ACSM1: variants seen among roughly 807,000 people sequenced by gnomAD.
ACSM1 encodes the protein acyl-coenzyme A synthetase ACSM1, mitochondrial.
ACSM1 carries 79 observed loss-of-function variants against 75.8 expected under a neutral mutation model. That is an observed-to-expected ratio of 1.04 (90% CI 0.87 to 1.26). The LOEUF (loss-of-function observed/expected upper bound fraction) is 1.26. Among genes scored for constraint, ACSM1 ranks in the 50% most tolerant of loss-of-function variants. The pLI is 0.00. For synonymous variants in ACSM1, 279 were observed against 265.8 expected (o/e 1.05, Z -0.48); for missense variants, 676 against 720.1 (o/e 0.94, Z 0.70).
chr16:20,648,487 A>G lies in ACSM1; in HGVS notation c.993-7903T>C, dbSNP rs1202315767. ...AATTGCATTCCAAAGTTATCCTAAG[A>G]CAAGAGGTCAGGCCATGATGGAAAT... On this transcript the variant is annotated intron_variant, in intron 7 of 13. Transcript: ENST00000520010. The surrounding 1 kb of genome is among the most constrained non-coding windows in gnomAD (Gnocchi z 4.2). Among the ~76,000 whole-genome samples the G allele has an allele frequency of 6.6e-6, 1 of 152,124 alleles. No homozygotes were observed. The highest frequency in any genetic ancestry group is 1.5e-5 in the Non-Finnish European group (1 of 68,008).
intron 2 of ACSM1, among the ~76,000 whole-genome samples, chr16:20,687,425 G>T (rs2152327315): frequency 6.6e-6 from 1 of 152,274 alleles, no homozygotes; most frequent in African/African-American, 2.4e-5. Flanking sequence ...ATAAATGCTA[G>T]AAAAGGCCTG....
chr16:20,656,494 A>C (rs1480601785), intron 7 of ACSM1, among the ~76,000 whole-genome samples: 2 of 152,198 alleles, frequency 1.3e-5, no homozygotes, highest in Non-Finnish European at 2.9e-5. Flanking sequence ...AAGTTAAAAT[A>C]ATAGAAGCAC....
In ACSM1 at chr16:20,624,355, T is replaced by A. The variant is rs1011069877; in HGVS notation, c.1528-140A>T. ...GGAAAAGGAGAGGACCAGGTGTAAA[T>A]CCCTGTGTTTCCAATTCCCACTCCA... On this transcript the variant is annotated intron_variant, in intron 12 of 13. Transcript: ENST00000520010. The A allele has an allele frequency of 3.0e-6, 3 of 1,006,808 alleles. No homozygotes were observed. In the East Asian group the frequency reaches 1.0e-4, roughly 34 times the overall value. The allele number at this position is 1,006,808 out of a possible 1,614,324, so 62.4% of individuals were successfully genotyped here. A position where few individuals can be genotyped will look rare whatever the true frequency, so the allele number is the denominator to read the frequency against.
At chr16:20,632,498 G>A (rs2017409039) in intron 10 of ACSM1, among the ~76,000 whole-genome samples, 1 of 152,128 alleles carries the variant, frequency 6.6e-6, no homozygotes, top group Admixed American at 6.5e-5. Context: ...CAAAGAAATA[G>A]AACTCTGAAT....
chr16:20,684,138 C>T (rs1161446072), intron 3 of ACSM1, among the ~76,000 whole-genome samples: 1 of 152,040 alleles, frequency 6.6e-6, no homozygotes, highest in African/African-American at 2.4e-5. Context: ...AAAAATAAGT[C>T]ATCAAAAGGG....
Position 20,691,224 on chromosome 16 carries a change from T to C in ACSM1, c.-36A>G, listed in dbSNP as rs952012060. On this transcript the variant is annotated 5_prime_UTR_variant, in exon 2 of 14. Transcript: ENST00000520010. Reference sequence around the variant, plus strand: ...TCCTCAGAAACCAGGCACAGAGTTCTCAAGTCACCACCTGCCTTGGGAAGA... The same window carrying C: ...TCCTCAGAAACCAGGCACAGAGTTCCCAAGTCACCACCTGCCTTGGGAAGA... 4.1e-5 allele frequency: 61 copies of C among 1,497,336 alleles called. No individual in the cohort carries two copies. The highest frequency in any genetic ancestry group is 5.3e-5 in the Non-Finnish European group (60 of 1,122,118). The allele number at this position is 1,497,336 out of a possible 1,614,324, so 92.8% of individuals were successfully genotyped here.
At chr16:20,662,839 C>G (rs1342335630) in intron 6 of ACSM1, among the ~76,000 whole-genome samples, 1 of 152,146 alleles carries the variant, frequency 6.6e-6, no homozygotes, top group Non-Finnish European at 1.5e-5. Context: ...CCCACTGCCC[C>G]TACCCCAACA....
intron 10 of ACSM1, among the ~76,000 whole-genome samples, chr16:20,627,907 T>C (rs1429137656): frequency 1.7e-4 from 18 of 103,418 alleles, no homozygotes; most frequent in East Asian, 7.4e-4. Flanking sequence ...TATATATATA[T>C]ATATATATAT....
At chr16:20,691,425 T>G (rs1281000701) in intron 1 of ACSM1, among the ~76,000 whole-genome samples, 186 bp from the exon 2 acceptor site, 1 of 152,150 alleles carries the variant, frequency 6.6e-6, no homozygotes, top group East Asian at 1.9e-4. Flanking sequence ...CAGAAAACGC[T>G]GGGGAGGTTA....
chr16:20,690,799 AG>A, intron 2 of ACSM1, among the ~76,000 whole-genome samples, 197 bp downstream of exon 2: 1 of 152,356 alleles, frequency 6.6e-6, no homozygotes, highest in Non-Finnish European at 1.5e-5. Flanking sequence ...CTCATTTCAT[AG>A]ATGAAACCAC....
intron 7 of ACSM1, among the ~76,000 whole-genome samples, chr16:20,659,201 A>T (rs1306054702): frequency 6.6e-6 from 1 of 152,062 alleles, no homozygotes; most frequent in African/African-American, 2.4e-5. Context: ...TCCCCCCATT[A>T]TCCAAAACGC....
chr16:20,650,604 C>T (rs887255731), intron 7 of ACSM1, among the ~76,000 whole-genome samples: 4 of 150,788 alleles, frequency 2.7e-5, no homozygotes, highest in African/African-American at 7.3e-5. Context: ...GTCCTGCCCA[C>T]AAGCAGCATG....
chr16:20,634,546 C>T (rs1403795105), intron 10 of ACSM1, among the ~76,000 whole-genome samples: 1 of 152,154 alleles, frequency 6.6e-6, no homozygotes, highest in Non-Finnish European at 1.5e-5. Context: ...CATGCTAAGA[C>T]ATAGATGAAC....
At chr16:20,633,029 G>A (rs1221058749) in intron 10 of ACSM1, among the ~76,000 whole-genome samples, 1 of 152,166 alleles carries the variant, frequency 6.6e-6, no homozygotes, top group East Asian at 1.9e-4. Context: ...ACATGATGAG[G>A]CCACATATAA....
intron 8 of ACSM1, among the ~76,000 whole-genome samples, chr16:20,639,408 A>G (rs2017919949): frequency 6.6e-6 from 1 of 152,150 alleles, no homozygotes; most frequent in Non-Finnish European, 1.5e-5. Flanking sequence ...TTTTTGAGCC[A>G]GCTTCCTCCT....
At chr16:20,647,419 A>T (rs1215818958) in intron 7 of ACSM1, among the ~76,000 whole-genome samples, 2 of 152,210 alleles carry the variant, frequency 1.3e-5, no homozygotes, top group East Asian at 1.9e-4. Context: ...CCTAATAGTT[A>T]GGCAGGAATA....
chr16:20,689,356 A>G (rs980066680), intron 2 of ACSM1, among the ~76,000 whole-genome samples: 1 of 152,160 alleles, frequency 6.6e-6, no homozygotes, highest in East Asian at 1.9e-4. Context: ...CAAAAACTCA[A>G]GTAAACACAA....
intron 6 of ACSM1, among the ~76,000 whole-genome samples, chr16:20,668,650 T>G (rs1322934434): frequency 6.6e-6 from 1 of 152,016 alleles, no homozygotes; most frequent in Non-Finnish European, 1.5e-5. Flanking sequence ...CCTGCATTGA[T>G]GTGCTTGCTG....
intron 10 of ACSM1, among the ~76,000 whole-genome samples, chr16:20,630,769 T>G (rs2017293797): frequency 6.6e-6 from 1 of 152,194 alleles, no homozygotes; most frequent in Non-Finnish European, 1.5e-5. Flanking sequence ...GACCATATAT[T>G]AGGCCAGAAG....
Sources: gnomAD v4.1 joint callset for allele counts (sites outside exome capture counted in the v4.1 genomes callset) on GRCh38, gnomAD v4.1.1 for gene constraint, Gnocchi (gnomAD v3.1) non-coding constraint, MANE v1.5 for transcripts, NCBI Gene and HGNC (gene_info 2026-07-23, HGNC 2026-07-21) for gene names.